LTA4H: variants seen among roughly 807,000 people sequenced by gnomAD.
LTA4H encodes the protein leukotriene A4 hydrolase, also known as leukotriene A-4 hydrolase.
In LTA4H, 59 loss-of-function variants were observed where a neutral mutation model predicts 89.8. The ratio of observed to expected loss-of-function variants is 0.66; its 90% CI spans 0.53 to 0.82. The LOEUF (loss-of-function observed/expected upper bound fraction) is 0.82, where lower values mean the gene tolerates loss of function less well. Among genes scored for constraint, LTA4H ranks in the 40% least tolerant of loss-of-function variants. The pLI is 0.00. For missense variants in LTA4H, 617 were observed against 727.0 expected (o/e 0.85, Z 1.74); for synonymous variants, 227 against 253.1 (o/e 0.90, Z 0.98).
chr12:96,023,888 C>T (rs1003400903), intron 4 of LTA4H, among the ~76,000 whole-genome samples: 29 of 151,698 alleles, frequency 1.9e-4, no homozygotes, highest in African/African-American at 7.0e-4. Context: ...TTTCTAGATC[C>T]AGGATTCTGA....
chr12:96,000,822 T>C lies in LTA4H; in HGVS notation c.*167A>G, dbSNP rs1950086990. 7.6e-6 allele frequency: 4 copies of C among 525,992 alleles called. No individual in the cohort carries two copies. Among genetic ancestry groups the C allele is most frequent in the East Asian group, 3.0e-5 (1 of 33,356 alleles). 32.6% of individuals were successfully genotyped at this position (525,992 alleles called of 1,614,324 possible). A position where few individuals can be genotyped will look rare whatever the true frequency, so the allele number is the denominator to read the frequency against. On this transcript the variant is annotated 3_prime_UTR_variant, in exon 19 of 19. Coordinates refer to ENST00000228740, the MANE Select transcript of LTA4H (RefSeq NM_000895.3). ...ACCTTGTTAAAATTTACAAAGAATATGCCACTATAAGAAGAAGTAGCTCAA... is the reference window on the plus strand; with the variant it reads ...ACCTTGTTAAAATTTACAAAGAATACGCCACTATAAGAAGAAGTAGCTCAA...
chr12:96,036,044 A>G (rs879572197), upstream of LTA4H, among the ~76,000 whole-genome samples: 2 of 152,160 alleles, frequency 1.3e-5, no homozygotes, highest in Non-Finnish European at 2.9e-5. Context: ...AGTGGTGAGT[A>G]TCCCCGCCTG....
intron 17 of LTA4H, 59 bp from the exon 18 acceptor site, chr12:96,003,123 C>G (rs911400962): frequency 9.4e-6 from 10 of 1,058,804 alleles, no homozygotes; most frequent in African/African-American, 9.4e-5. Flanking sequence ...CAGGATATGA[C>G]AGGTATATCT....
upstream of LTA4H, among the ~76,000 whole-genome samples, chr12:96,038,750 A>G (rs1157948926): frequency 6.7e-6 from 1 of 149,232 alleles, no homozygotes; most frequent in East Asian, 2.0e-4. Flanking sequence ...ATTTAGTCAA[A>G]TAATACACAG....
At chr12:96,028,092 C>A (rs1039788254) in intron 2 of LTA4H, 1 of 152,242 alleles carries the variant, frequency 6.6e-6, no homozygotes, top group African/African-American at 2.4e-5. Context: ...TCTCTTCTTC[C>A]TCATATTTCA....
chr12:96,039,780 C>T (rs764623949), upstream of LTA4H, among the ~76,000 whole-genome samples: 75 of 152,364 alleles, frequency 4.9e-4, no homozygotes, highest in Non-Finnish European at 8.8e-4. Context: ...GGCAAAAAGA[C>T]TTTACATTGT....
intron 10 of LTA4H, among the ~76,000 whole-genome samples, chr12:96,016,555 T>G (rs1950378194): frequency 6.7e-6 from 1 of 149,912 alleles, no homozygotes; most frequent in Non-Finnish European, 1.5e-5. Flanking sequence ...TAGCAGAGAT[T>G]GCACCACTGC....
At chr12:96,023,029 C>T (rs1437586928) in intron 4 of LTA4H, among the ~76,000 whole-genome samples, 2 of 152,174 alleles carry the variant, frequency 1.3e-5, no homozygotes. Context: ...ATGCGGCAAA[C>T]CATATAGTCA....
intron 1 of LTA4H, among the ~76,000 whole-genome samples, chr12:96,041,194 A>G (rs907119718): frequency 1.3e-5 from 2 of 152,118 alleles, no homozygotes; most frequent in African/African-American, 4.8e-5. Flanking sequence ...GTATGCTTTT[A>G]TGATTTTTTA....
Position 96,017,094 on chromosome 12 carries a change from A to G in LTA4H, c.897T>C (p.Ser299=). Residue 299 remains serine (S), a synonymous_variant, in exon 10 of 19, where the codon TCT becomes TCC. Coordinates refer to ENST00000228740, the MANE Select transcript of LTA4H (RefSeq NM_000895.3). ...SLSNVIAHEI[S]HSWTGNLVTN... is the part of the protein sequence containing the mutation. ...TCACTAGATTCCCTGTCCAGCTATG[A>G]GATATTTCATGTGCAATGACCTAAA... 6.2e-7 allele frequency: 1 copy of G among 1,611,740 alleles called. No individual in the cohort carries two copies. The highest frequency in any genetic ancestry group is 8.5e-7 in the Non-Finnish European group (1 of 1,177,894).
Position 96,000,977 on chromosome 12 carries a change from A to G in LTA4H, c.*12T>C, listed in dbSNP as rs764224076. On this transcript the variant is annotated 3_prime_UTR_variant, in exon 19 of 19. Coordinates refer to ENST00000228740, the MANE Select transcript of LTA4H (RefSeq NM_000895.3). ...AAAAGAGAAATCTCTAAAATCATCAATACGCAGGTCTTTAATCCACTTTTA... is the reference window on the plus strand; with the variant it reads ...AAAAGAGAAATCTCTAAAATCATCAGTACGCAGGTCTTTAATCCACTTTTA... 13 of 1,517,536 alleles carry G rather than the reference A, an allele frequency of 8.6e-6. No homozygotes were observed. Among genetic ancestry groups the G allele is most frequent in the African/African-American group, 1.4e-5 (1 of 72,932 alleles). The allele number at this position is 1,517,536 out of a possible 1,614,324, so 94.0% of individuals were successfully genotyped here. A position where few individuals can be genotyped will look rare whatever the true frequency, so the allele number is the denominator to read the frequency against.
Position 96,000,867 on chromosome 12 carries a change from C to A in LTA4H, c.*122G>T. The A allele has an allele frequency of 1.5e-6, 1 of 653,840 alleles. No individual in the cohort carries two copies. The highest frequency in any genetic ancestry group is 2.7e-6 in the Non-Finnish European group (1 of 374,616). 40.5% of individuals were successfully genotyped at this position (653,840 alleles called of 1,614,324 possible). A position where few individuals can be genotyped will look rare whatever the true frequency, so the allele number is the denominator to read the frequency against. ...GCTCAACTTTATTTCAGTAAAATCA[C>A]CAACAAAACAATAAAAAGCCAAAAC... On this transcript the variant is annotated 3_prime_UTR_variant, in exon 19 of 19. Coordinates refer to ENST00000228740, the MANE Select transcript of LTA4H (RefSeq NM_000895.3).
chr12:96,001,197 G>A, intron 18 of LTA4H, 91 bp from the exon 19 acceptor site: 1 of 764,016 alleles, frequency 1.3e-6, no homozygotes, highest in Non-Finnish European at 2.3e-6. Flanking sequence ...AGGAGGGAAG[G>A]GGTTCAGAGG....
upstream of LTA4H, among the ~76,000 whole-genome samples, chr12:96,039,101 A>G (rs1950669481): frequency 6.6e-6 from 1 of 152,066 alleles, no homozygotes; most frequent in South Asian, 2.1e-4. Context: ...AAAGAAGGGT[A>G]AGGCTGGGCA....
upstream of LTA4H, chr12:96,035,793 C>G (rs1051285836): frequency 2.9e-5 from 15 of 512,786 alleles, no homozygotes; most frequent in Non-Finnish European, 4.2e-5. Flanking sequence ...GCTCCTGGAG[C>G]TGAAGAAGAG....
chr12:96,036,558 G>A (rs1334467278), upstream of LTA4H, among the ~76,000 whole-genome samples: 6 of 152,236 alleles, frequency 3.9e-5, no homozygotes, highest in East Asian at 1.2e-3. Context: ...TATTAAAATG[G>A]CTCAATCAGA....
At chr12:96,040,520 G>A (rs1023676053), upstream of LTA4H, among the ~76,000 whole-genome samples, 2 of 152,204 alleles carry the variant, frequency 1.3e-5, no homozygotes, top group African/African-American at 2.4e-5. Context: ...CCCAGGAAGT[G>A]TCCTTAACAG....
intron 3 of LTA4H, 90 bp from the exon 4 acceptor site, chr12:96,024,637 C>T (rs1471662975): frequency 6.5e-6 from 5 of 769,112 alleles, no homozygotes; most frequent in Admixed American, 2.3e-5. Context: ...TGTTCTTAGA[C>T]ATTAAAATAA....
rs1950490831 is a variant in LTA4H at position 96,024,495 on chromosome 12, A to G, written c.464T>C (p.Leu155Ser). 6.2e-7 allele frequency: 1 copy of G among 1,608,586 alleles called. No individual in the cohort carries two copies. Among genetic ancestry groups the G allele is most frequent in the Non-Finnish European group, 8.5e-7 (1 of 1,175,224 alleles). ...AATATTTACCTCTGCAGTATAGGTT[A>G]ATTTCACAGAAGGAGTGTCCTGACA... ...LPCQDTPSVKLTYTAEVSVPK... is the reference protein window; with the variant it reads ...LPCQDTPSVKSTYTAEVSVPK... Residue 155 changes from leucine to serine, a missense_variant, in exon 4 of 19, where the codon TTA becomes TCA. Leu to Ser is a moderately radical substitution (Grantham distance 145). Around this residue, in one of 3 missense-constraint regions of LTA4H, gnomAD observed 172 missense variants for 244.5 expected, o/e 0.70. Transcript: ENST00000228740.
Sources: allele counts gnomAD v4.1 joint callset (sites outside exome capture counted in the v4.1 genomes callset), GRCh38; gene constraint gnomAD v4.1.1; regional missense constraint gnomAD v4.1.1; transcripts MANE v1.5; gene names NCBI Gene and HGNC (gene_info 2026-07-23, HGNC 2026-07-21).